PSD3: variants seen among roughly 807,000 people sequenced by gnomAD.
PSD3 encodes the protein PH and SEC7 domain-containing protein 3.
PSD3 carries 49 observed loss-of-function variants against 105.5 expected under a neutral mutation model. The ratio of observed to expected loss-of-function variants is 0.46; its 90% CI spans 0.37 to 0.59. The LOEUF (loss-of-function observed/expected upper bound fraction) is 0.59. Ranked by LOEUF, PSD3 falls within the 20% of genes least tolerant of loss-of-function variation. The probability of loss-of-function intolerance (pLI) is 0.00; values close to 1 mark genes in which losing one functional copy is unlikely to be tolerated. For missense variants in PSD3, 1,561 were observed against 1,263.8 expected (o/e 1.24, Z -3.57); for synonymous variants, 557 against 457.8 (o/e 1.22, Z -2.77).
At chr8:18,652,125 T>A (rs1488214362) in intron 10 of PSD3, among the ~76,000 whole-genome samples, 1 of 152,140 alleles carries the variant, frequency 6.6e-6, no homozygotes, top group African/African-American at 2.4e-5. Flanking sequence ...AACGCTGGTG[T>A]CATTAATAGA....
chr8:18,906,966 A>C (rs930078081), intron 2 of PSD3, among the ~76,000 whole-genome samples: 3 of 152,212 alleles, frequency 2.0e-5, no homozygotes. Context: ...CTTAAAAAGA[A>C]AATATAAAAA....
At chr8:18,808,940 G>A (rs1481401325) in intron 4 of PSD3, 7 of 1,459,502 alleles carry the variant, frequency 4.8e-6, no homozygotes, top group African/African-American at 4.3e-5. Flanking sequence ...ATTCTCAGCC[G>A]AGTGTTCATT....
chr8:19,044,406 C>A (rs1828242328), intron 1 of PSD3, among the ~76,000 whole-genome samples: 1 of 152,126 alleles, frequency 6.6e-6, no homozygotes, highest in African/African-American at 2.4e-5. Context: ...GGATTCAATT[C>A]TAGGCTCTTC....
chr8:18,909,633 G>A (rs565637462), intron 2 of PSD3, among the ~76,000 whole-genome samples: 3 of 152,052 alleles, frequency 2.0e-5, no homozygotes, highest in South Asian at 2.1e-4. Flanking sequence ...ACAGGCTCAC[G>A]TTACCATGCC....
rs566279457 is a variant in PSD3, at chr8:18,962,909, C to A, written c.22-26767G>T. 1.2e-4 allele frequency among the ~76,000 whole-genome samples: 19 copies of A among 152,292 alleles called. No individual in the cohort carries two copies. The South Asian group carries it at 3.9e-3, about 32-fold the overall frequency. Reference sequence around the variant, plus strand: ...AGGCCATTGGTGGAACCAAGATATGCCATGGTCCTTGGAAGAGTTCTTTCA... The same window carrying A: ...AGGCCATTGGTGGAACCAAGATATGACATGGTCCTTGGAAGAGTTCTTTCA... On this transcript the variant is annotated intron_variant, in intron 1 of 15. Transcript: ENST00000327040.
chr8:18,922,773 C>A (rs191015373), intron 2 of PSD3, among the ~76,000 whole-genome samples: 24 of 152,246 alleles, frequency 1.6e-4, no homozygotes, highest in African/African-American at 5.8e-4. Flanking sequence ...TAAATCAGCT[C>A]ACAGAACACA....
chr8:19,072,924 T>G (rs1829318860), intron 1 of PSD3, among the ~76,000 whole-genome samples: 1 of 152,196 alleles, frequency 6.6e-6, no homozygotes, highest in African/African-American at 2.4e-5. Flanking sequence ...CCGTTGAAAT[T>G]TCCTGACCCT....
At chr8:18,824,351 G>C (rs1205743793) in intron 4 of PSD3, among the ~76,000 whole-genome samples, 1 of 152,194 alleles carries the variant, frequency 6.6e-6, no homozygotes, top group Non-Finnish European at 1.5e-5. Context: ...ACATGGTGAA[G>C]AGAAAAGAAA....
At chr8:18,714,671 C>T (rs1467836689) in intron 9 of PSD3, among the ~76,000 whole-genome samples, 2 of 152,188 alleles carry the variant, frequency 1.3e-5, no homozygotes, top group African/African-American at 4.8e-5. Context: ...AACGCTTTTA[C>T]GCTGCTGGTA....
At chr8:18,603,961 T>C (rs2130594185) in intron 11 of PSD3, among the ~76,000 whole-genome samples, 1 of 152,306 alleles carries the variant, frequency 6.6e-6, no homozygotes, top group African/African-American at 2.4e-5. Flanking sequence ...TCTTTTCTTA[T>C]AAATTACCCA....
chr8:18,953,458 G>A (rs971898534), intron 1 of PSD3, among the ~76,000 whole-genome samples: 3 of 152,108 alleles, frequency 2.0e-5, no homozygotes, highest in African/African-American at 7.2e-5. Flanking sequence ...ATATACAAAT[G>A]GCTAAATAGG....
At chr8:18,618,332 T>C (rs1328430093) in intron 11 of PSD3, among the ~76,000 whole-genome samples, 1 of 151,380 alleles carries the variant, frequency 6.6e-6, no homozygotes, top group African/African-American at 2.4e-5. Context: ...TACAGACAGG[T>C]TATAACCCAA....
chr8:18,950,324 A>T (rs541848804), intron 1 of PSD3, among the ~76,000 whole-genome samples: 1 of 152,346 alleles, frequency 6.6e-6, no homozygotes, highest in South Asian at 2.1e-4. Context: ...TTCCCTTAAC[A>T]CATCCATCAC....
chr8:18,625,187 TACACACACAC>T (rs3042894), intron 11 of PSD3, among the ~76,000 whole-genome samples: 14,342 of 149,308 alleles, frequency 0.096, 898 homozygotes, highest in Middle Eastern at 0.24. Flanking sequence ...AGGTGGGGAA[TACACACACAC>T]ACACACACAC....
chr8:18,584,775 A>C (rs1301785741), intron 12 of PSD3, among the ~76,000 whole-genome samples: 1 of 152,190 alleles, frequency 6.6e-6, no homozygotes, highest in Non-Finnish European at 1.5e-5. Context: ...TACTGCTCTT[A>C]AATGTCTCTT....
At chr8:18,884,233 T>C (rs575337342) in intron 2 of PSD3, among the ~76,000 whole-genome samples, 5 of 152,334 alleles carry the variant, frequency 3.3e-5, no homozygotes, top group African/African-American at 1.2e-4. Context: ...GCATTTCATT[T>C]ATAAGTAACT....
upstream of PSD3, among the ~76,000 whole-genome samples, chr8:19,016,712 T>C (rs2129475691): frequency 6.6e-6 from 1 of 152,282 alleles, no homozygotes; most frequent in Middle Eastern, 3.4e-3. Context: ...AGAAAAGAAA[T>C]GAATCTCTCA....
At chr8:18,823,449 A>T (rs1812912122) in intron 4 of PSD3, among the ~76,000 whole-genome samples, 1 of 152,090 alleles carries the variant, frequency 6.6e-6, no homozygotes, top group African/African-American at 2.4e-5. Context: ...AAAGGCGTGA[A>T]TTCTCCCCTC....
At chr8:18,579,321 G>C (rs1161487469) in intron 12 of PSD3, among the ~76,000 whole-genome samples, 1 of 152,128 alleles carries the variant, frequency 6.6e-6, no homozygotes, top group Non-Finnish European at 1.5e-5. Flanking sequence ...TTCAAACCAA[G>C]GACTATTTGC....
Sources: gnomAD v4.1 joint callset for allele counts (sites outside exome capture counted in the v4.1 genomes callset) on GRCh38, gnomAD v4.1.1 for gene constraint, MANE v1.5 for transcripts, NCBI Gene and HGNC (gene_info 2026-07-23, HGNC 2026-07-21) for gene names.